The following KMT2C variants were observed in gnomAD, a reference collection of about 807,000 sequenced individuals.
KMT2C encodes lysine methyltransferase 2C, also known as histone-lysine N-methyltransferase 2C.
KMT2C carries 88 observed loss-of-function variants against 507.9 expected under a neutral mutation model. The ratio of observed to expected loss-of-function variants is 0.17; its 90% CI spans 0.15 to 0.21. The LOEUF (loss-of-function observed/expected upper bound fraction) is 0.21, where lower values mean the gene tolerates loss of function less well. KMT2C is among the 10% of genes least tolerant of loss of function. The probability of loss-of-function intolerance (pLI) is 1.00; values close to 1 mark genes in which losing one functional copy is unlikely to be tolerated. For synonymous variants in KMT2C, 2,049 were observed against 2,080.8 expected (o/e 0.98, Z 0.42); for missense variants, 4,954 against 5,957.8 (o/e 0.83, Z 5.55).
rs894625462 is a variant in KMT2C, at chr7:152,249,857, A to G, written c.1813+19T>C. 6 of 1,450,854 alleles carry G rather than the reference A, an allele frequency of 4.1e-6. No homozygotes were observed. In the Admixed American group the frequency reaches 1.0e-4, roughly 24 times the overall value. 89.9% of individuals were successfully genotyped at this position (1,450,854 alleles called of 1,614,324 possible). A position where few individuals can be genotyped will look rare whatever the true frequency, so the allele number is the denominator to read the frequency against. The stretch of plus-strand genomic sequence containing the variant: ...TCTTGTAACTCAATCAAATTAGACA[A>G]TATGAACATACTGCTTACCAGCAAT... On this transcript the variant is annotated intron_variant, in intron 13 of 58. Transcript: ENST00000262189.
chr7:152,348,621 A>AAAGAAAG (rs1563946758), intron 2 of KMT2C, among the ~76,000 whole-genome samples: 1 of 143,156 alleles, frequency 7.0e-6, no homozygotes, highest in African/African-American at 2.9e-5. Context: ...AAAAAAAAAA[A>AAAGAAAG]AAAGAAAGAA....
intron 1 of KMT2C, among the ~76,000 whole-genome samples, chr7:152,361,429 AGT>A (rs2097196505): frequency 6.6e-6 from 1 of 151,462 alleles, no homozygotes; most frequent in Non-Finnish European, 1.5e-5. Context: ...CGGGCGTGGT[AGT>A]GGGCGCCTGT....
intron 58 of KMT2C, chr7:152,137,152 G>A (rs899448120): frequency 2.4e-5 from 11 of 450,632 alleles, no homozygotes; most frequent in African/African-American, 7.5e-5. Flanking sequence ...ATCTGAGAAC[G>A]GGAGCCTGAC....
chr7:152,274,285 T>C lies in KMT2C; in HGVS notation c.850-418A>G, dbSNP rs945562661. Among the ~76,000 whole-genome samples the C allele has an allele frequency of 4.1e-4, 63 of 152,274 alleles. 1 individual carries two copies. Among genetic ancestry groups the C allele is most frequent in the African/African-American group, 1.5e-3 (61 of 41,550 alleles). ...TATTTATGAGACATATTACTATTTTTTACCCTGCCTAAAAATAAATACAAA... is the reference window on the plus strand; with the variant it reads ...TATTTATGAGACATATTACTATTTTCTACCCTGCCTAAAAATAAATACAAA... On this transcript the variant is annotated intron_variant, in intron 6 of 58. Transcript: ENST00000262189.
chr7:152,324,004 G>T (rs1270855202), intron 3 of KMT2C, among the ~76,000 whole-genome samples: 1 of 151,836 alleles, frequency 6.6e-6, no homozygotes, highest in African/African-American at 2.4e-5. Context: ...ACCAGTAGTA[G>T]AGTGATGGTA....
At chr7:152,320,619 TTA>T (rs1286604237) in intron 3 of KMT2C, among the ~76,000 whole-genome samples, 1 of 151,934 alleles carries the variant, frequency 6.6e-6, no homozygotes, top group Non-Finnish European at 1.5e-5. Flanking sequence ...ACTAAAAAAA[TTA>T]AATCAACAAC....
chr7:152,323,806 AGGGGAGGGG>A (rs1215621213), intron 3 of KMT2C, among the ~76,000 whole-genome samples: 1 of 43,426 alleles, frequency 2.3e-5, no homozygotes, highest in Non-Finnish European at 4.6e-5. Context: ...GGAGGCAGGG[AGGGGAGGGG>A]AAGGGGATTA....
At position 152,295,976 on chromosome 7, in the gene KMT2C, G is replaced by T. The variant is rs574016199; in HGVS notation, c.849+13990C>A. On this transcript the variant is annotated intron_variant, in intron 6 of 58. Coordinates refer to ENST00000262189, the MANE Select transcript of KMT2C (RefSeq NM_170606.3). Reference sequence around the variant, plus strand: ...CCAGCTACTCGGGAGGCTGAGGCAGGAGAATGGCGTGAACCCAGGAGACAG... The same window carrying T: ...CCAGCTACTCGGGAGGCTGAGGCAGTAGAATGGCGTGAACCCAGGAGACAG... Among the ~76,000 whole-genome samples, 7 of 148,522 alleles carry T rather than the reference G, an allele frequency of 4.7e-5. No homozygotes were observed. The East Asian group carries it at 1.4e-3, about 30-fold the overall frequency.
intron 1 of KMT2C, among the ~76,000 whole-genome samples, chr7:152,403,631 A>G (rs7783963): frequency 5.3e-5 from 8 of 151,518 alleles, no homozygotes; most frequent in African/African-American, 1.7e-4. Context: ...TACCTTTATC[A>G]CAGCAACACT....
rs2129133002 is a variant in KMT2C, at chr7:152,199,326, T to A, written c.4226A>T (p.Asp1409Val). The change falls in exon 27 of 59, where the codon GAT (aspartate) becomes GTT (valine). Residue 1409 changes from aspartate to valine, a missense_variant. This residue lies in a region of KMT2C where 140 missense variants were observed against 118.4 expected (regional missense o/e 1.18). Transcript: ENST00000262189. ...AGCCGAGGATGAACTAAGTAGTGGA[T>A]CTAAGGAAGGATCCAAGAAACCTGT... ...MNTGFLDPSL[D>V]PLLSSSSAPT... The A allele has an allele frequency of 1.2e-6, 2 of 1,603,158 alleles. No homozygotes were observed. Among genetic ancestry groups the A allele is most frequent in the Non-Finnish European group, 1.7e-6 (2 of 1,176,438 alleles).
At chr7:152,151,040 A>C in intron 50 of KMT2C, 33 bp from the exon 51 acceptor site, 96 of 1,287,234 alleles carry the variant, frequency 7.5e-5, no homozygotes, top group South Asian at 1.1e-4. Flanking sequence ...TGGGAATCTC[A>C]ACAAGTCAAA....
chr7:152,363,397 T>C (rs1261527446), intron 1 of KMT2C, among the ~76,000 whole-genome samples: 1 of 152,168 alleles, frequency 6.6e-6, no homozygotes, highest in African/African-American at 2.4e-5. Flanking sequence ...CATATTAATC[T>C]CAGAATCTGA....
chr7:152,280,224 G>T (rs2096179967), intron 6 of KMT2C, among the ~76,000 whole-genome samples: 1 of 152,128 alleles, frequency 6.6e-6, no homozygotes, highest in Non-Finnish European at 1.5e-5. Context: ...AACTGAGAGT[G>T]ACCCAAGCCA....
In KMT2C at chr7:152,145,130, TATGTGA is replaced by T; in HGVS notation, c.14174+17_14174+22del. ...TACGCCTAGAAACCCTGGGCTGTAC[TATGTGA>T]AGTTAAAACAAAATACCTTAACACA... is the stretch of plus-strand genomic sequence containing the variant. On this transcript the variant is annotated intron_variant, in intron 54 of 58. Coordinates refer to ENST00000262189, the MANE Select transcript of KMT2C (RefSeq NM_170606.3). 1 of 1,612,274 alleles carries T rather than the reference TATGTGA, an allele frequency of 6.2e-7. No individual in the cohort carries two copies. Among genetic ancestry groups the T allele is most frequent in the Non-Finnish European group, 8.5e-7 (1 of 1,179,180 alleles).
intron 3 of KMT2C, among the ~76,000 whole-genome samples, chr7:152,317,808 C>T (rs978259603): frequency 6.6e-6 from 1 of 152,088 alleles, no homozygotes; most frequent in South Asian, 2.1e-4. Flanking sequence ...GATTTTGAGA[C>T]CAGCCTGGGC....
chr7:152,365,878 C>A (rs1419845822), intron 1 of KMT2C, among the ~76,000 whole-genome samples: 1 of 152,060 alleles, frequency 6.6e-6, no homozygotes, highest in Admixed American at 6.6e-5. Flanking sequence ...CCTGGGTACT[C>A]AGGAGGATGA....
At chr7:152,284,263 A>G (rs533643460) in intron 6 of KMT2C, among the ~76,000 whole-genome samples, 1 of 152,246 alleles carries the variant, frequency 6.6e-6, no homozygotes, top group Admixed American at 6.5e-5. Flanking sequence ...GGAGAGACAA[A>G]TAAGTCAGAA....
At chr7:152,316,335 A>C (rs1285372875) in intron 3 of KMT2C, among the ~76,000 whole-genome samples, 6 of 152,196 alleles carry the variant, frequency 3.9e-5, no homozygotes, top group South Asian at 4.1e-4. Context: ...ATCATGAGGG[A>C]AACTGCTGGG....
At chr7:152,211,671 C>T (rs896557401) in intron 23 of KMT2C, among the ~76,000 whole-genome samples, 1 of 152,230 alleles carries the variant, frequency 6.6e-6, no homozygotes, top group African/African-American at 2.4e-5. Flanking sequence ...TGCCCTCACA[C>T]AGGTGGTATC....
Sources: gnomAD v4.1 joint callset for allele counts (sites outside exome capture counted in the v4.1 genomes callset) on GRCh38, gnomAD v4.1.1 for gene constraint, gnomAD v4.1.1 regional missense constraint, MANE v1.5 for transcripts, NCBI Gene and HGNC (gene_info 2026-07-23, HGNC 2026-07-21) for gene names.